The following INPP5K variants were observed in gnomAD, a reference collection of about 807,000 sequenced individuals.
INPP5K encodes inositol polyphosphate 5-phosphatase K.
Under a neutral mutation model 53.5 loss-of-function variants are expected in INPP5K, and 35 were observed. The observed-to-expected ratio is 0.65, with a 90% CI of 0.50 to 0.87. The LOEUF (loss-of-function observed/expected upper bound fraction) is 0.87. Ranked by LOEUF, INPP5K falls within the 40% of genes least tolerant of loss-of-function variation. The pLI, the probability that INPP5K is intolerant of heterozygous loss-of-function variation, is 0.00. For synonymous variants in INPP5K, 253 were observed against 232.8 expected, an observed-to-expected ratio of 1.09 and a Z score of -0.79; for missense variants, 550 against 586.2, an observed-to-expected ratio of 0.94 and a Z score of 0.64.
At chr17:1,510,723 C>A (rs1011939398) in intron 3 of INPP5K, among the ~76,000 whole-genome samples, 8 of 152,166 alleles carry the variant, frequency 5.3e-5, no homozygotes, top group African/African-American at 1.4e-4. Context: ...ACATCCTGGG[C>A]TCAGGCAATC....
intron 11 of INPP5K, 90 bp from the exon 12 acceptor site, chr17:1,495,969 A>G (rs2150975832): frequency 1.4e-6 from 2 of 1,410,858 alleles, no homozygotes; most frequent in East Asian, 4.6e-5. Flanking sequence ...GCGGCCCCTC[A>G]TGTACCGGCT....
At chr17:1,508,875 A>G (rs2075231293) in intron 5 of INPP5K, 6 of 291,396 alleles carry the variant, frequency 2.1e-5, no homozygotes, top group South Asian at 1.2e-4. Context: ...CGGTCTGCAG[A>G]CCCAGGCTCA....
At position 1,513,988 on chromosome 17, in the gene INPP5K, G is replaced by A. The variant is rs1385343365; in HGVS notation, c.45-9C>T. ...AAGTCACGACGTGTATGCTGCGGAA[G>A]GGATGCAGAGGGAAGTCATGGAGGA... On this transcript the variant is annotated splice_polypyrimidine_tract_variant and intron_variant, in intron 1 of 11. Coordinates refer to ENST00000421807, the MANE Select transcript of INPP5K (RefSeq NM_016532.4). 6.3e-7 allele frequency: 1 copy of A among 1,583,708 alleles called. No individual in the cohort carries two copies. Among genetic ancestry groups the A allele is most frequent in the Non-Finnish European group, 8.7e-7 (1 of 1,155,410 alleles).
At position 1,516,438 on chromosome 17, in the gene INPP5K, C is replaced by A. The variant is rs2075441189; in HGVS notation, c.44+18G>T. The A allele has an allele frequency of 2.5e-6, 4 of 1,589,174 alleles. No individual in the cohort carries two copies. The African/African-American group carries it at 4.1e-5, about 16-fold the overall frequency. ...ATCCCCCCGAGCAGGCCTGCCTCTG[C>A]CGCCAGGGTGCCCTCACCTGAGCCT... On this transcript the variant is annotated intron_variant, in intron 1 of 11. Coordinates refer to ENST00000421807, the MANE Select transcript of INPP5K (RefSeq NM_016532.4).
At chr17:1,503,184 C>A (rs2075070305) in intron 7 of INPP5K, among the ~76,000 whole-genome samples, 1 of 143,652 alleles carries the variant, frequency 7.0e-6, no homozygotes, top group Non-Finnish European at 1.5e-5. Context: ...TCACGCCTGG[C>A]CTTTTTTTTT....
intron 3 of INPP5K, among the ~76,000 whole-genome samples, chr17:1,513,115 C>CAT (rs2075346666): frequency 6.6e-6 from 1 of 152,158 alleles, no homozygotes; most frequent in South Asian, 2.1e-4. Flanking sequence ...TGATTACACT[C>CAT]AGAGACTTCA....
At chr17:1,506,926 AG>A (rs1325948491) in intron 7 of INPP5K, 53 bp downstream of exon 7, 13 of 1,212,642 alleles carry the variant, frequency 1.1e-5, no homozygotes, top group Non-Finnish European at 1.6e-5. Flanking sequence ...CCATGCCAGC[AG>A]GGTCAGTGTA....
In INPP5K at chr17:1,509,904, G is replaced by C. The variant is rs1290849357; in HGVS notation, c.262-105C>G. On this transcript the variant is annotated intron_variant, in intron 3 of 11. Coordinates refer to ENST00000421807, the MANE Select transcript of INPP5K (RefSeq NM_016532.4). ...TCTAGAGAGCCCTCAGCTACATGCAGTGTCCTGCTCCAGGGTCTACGATAT... is the reference window on the plus strand; with the variant it reads ...TCTAGAGAGCCCTCAGCTACATGCACTGTCCTGCTCCAGGGTCTACGATAT... 1.2e-5 allele frequency: 8 copies of C among 686,138 alleles called. No homozygotes were observed. The African/African-American group carries it at 1.4e-4, about 12-fold the overall frequency. The allele number at this position is 686,138 out of a possible 1,614,324, so 42.5% of individuals were successfully genotyped here. A position where few individuals can be genotyped will look rare whatever the true frequency, so the allele number is the denominator to read the frequency against.
intron 9 of INPP5K, 34 bp downstream of exon 9, chr17:1,496,632 C>T (rs993414638): frequency 5.6e-6 from 9 of 1,611,814 alleles, no homozygotes; most frequent in African/African-American, 4.0e-5. Context: ...CAGGGGCTGT[C>T]GCTGATGGAC....
intron 7 of INPP5K, among the ~76,000 whole-genome samples, chr17:1,503,012 C>T (rs1452788223): frequency 6.6e-6 from 1 of 152,072 alleles, no homozygotes; most frequent in South Asian, 2.1e-4. Flanking sequence ...ACCCCAGTCT[C>T]CTGAGTAGCT....
chr17:1,516,460 G>A lies in INPP5K; in HGVS notation c.40C>T (p.Leu14Phe). Residue 14 changes from leucine (L) to phenylalanine (F), a missense_variant, in exon 1 of 12, where the codon CTC (leucine) becomes TTC (phenylalanine). Transcript: ENST00000421807. ...RKLSGPKGRRLSIHVVTWNVA... is the reference protein window; with the variant it reads ...RKLSGPKGRRFSIHVVTWNVA... The stretch of plus-strand genomic sequence containing the variant: ...CTGCCGCCAGGGTGCCCTCACCTGA[G>A]CCTCCTGCCTTTCGGCCCGCTCAGC... The A allele has an allele frequency of 6.3e-7, 1 of 1,591,092 alleles. No individual in the cohort carries two copies. Among genetic ancestry groups the A allele is most frequent in the East Asian group, 2.3e-5 (1 of 43,858 alleles).
Position 1,508,700 on chromosome 17 carries a change from C to T in INPP5K, c.555-474G>A, listed in dbSNP as rs563366070. On this transcript the variant is annotated intron_variant, in intron 5 of 11. Transcript: ENST00000421807. ...CACTGACGACACTGGCTGGGGGATC[C>T]GTGATGGAGCAGAGGATGCTGGCTT... Among the ~76,000 whole-genome samples, 8 of 152,102 alleles carry T rather than the reference C, an allele frequency of 5.3e-5. No homozygotes were observed. The East Asian group carries it at 1.4e-3, about 26-fold the overall frequency.
intron 3 of INPP5K, among the ~76,000 whole-genome samples, chr17:1,512,797 C>A (rs1298630016): frequency 6.6e-6 from 1 of 152,224 alleles, no homozygotes; most frequent in Non-Finnish European, 1.5e-5. Context: ...CCCCCAGAAT[C>A]TGAAGTGCAC....
intron 7 of INPP5K, 52 bp downstream of exon 7, chr17:1,506,928 G>T (rs2075170893): frequency 4.9e-6 from 6 of 1,236,974 alleles, no homozygotes; most frequent in Non-Finnish European, 7.1e-6. Flanking sequence ...ATGCCAGCAG[G>T]GTCAGTGTAA....
intron 7 of INPP5K, 45 bp downstream of exon 7, chr17:1,506,935 G>A (rs760111975): frequency 2.2e-6 from 3 of 1,357,924 alleles, no homozygotes; most frequent in Non-Finnish European, 3.2e-6. Context: ...CAGGGTCAGT[G>A]TAACCTGACT....
chr17:1,506,314 C>T (rs1265315705), intron 7 of INPP5K, among the ~76,000 whole-genome samples: 2 of 152,144 alleles, frequency 1.3e-5, no homozygotes, highest in African/African-American at 4.8e-5. Context: ...TGTGAGCCAC[C>T]GCGCCCAGCC....
At position 1,513,726 on chromosome 17, in the gene INPP5K, G is replaced by A. The variant is rs541123389; in HGVS notation, c.152+146C>T. 5.0e-5 allele frequency: 43 copies of A among 865,486 alleles called. 1 individual carries two copies. Among genetic ancestry groups the A allele is most frequent in the Middle Eastern group, 5.8e-4 (2 of 3,420 alleles). 53.6% of individuals were successfully genotyped at this position (865,486 alleles called of 1,614,324 possible). A position where few individuals can be genotyped will look rare whatever the true frequency, so the allele number is the denominator to read the frequency against. On this transcript the variant is annotated intron_variant, in intron 2 of 11. Transcript: ENST00000421807. ...CAGCCCCCTTTGCCGTTGCTGACCCGGGACCAGAGACATGGGACTGTCCCT... is the reference window on the plus strand; with the variant it reads ...CAGCCCCCTTTGCCGTTGCTGACCCAGGACCAGAGACATGGGACTGTCCCT...
At chr17:1,515,483 G>A in intron 1 of INPP5K, 1 of 985,596 alleles carries the variant, frequency 1.0e-6, no homozygotes, top group Non-Finnish European at 1.2e-6. Flanking sequence ...CTCAGACTGT[G>A]CGGAGCACAG....
intron 7 of INPP5K, among the ~76,000 whole-genome samples, chr17:1,503,253 G>C (rs994076375): frequency 1.3e-5 from 2 of 148,406 alleles, no homozygotes; most frequent in African/African-American, 5.0e-5. Flanking sequence ...GCGTGATCTC[G>C]GCTCACTGCA....
Sources: allele counts gnomAD v4.1 joint callset (sites outside exome capture counted in the v4.1 genomes callset), GRCh38; gene constraint gnomAD v4.1.1; transcripts MANE v1.5; gene names NCBI Gene and HGNC (gene_info 2026-07-23, HGNC 2026-07-21).